TRPC1: variants seen among roughly 807,000 people sequenced by gnomAD.
TRPC1 encodes the protein short transient receptor potential channel 1.
In TRPC1, 42 loss-of-function variants were observed where a neutral mutation model predicts 88.2. That is an observed-to-expected ratio of 0.48 (90% CI 0.37 to 0.62). TRPC1 has a LOEUF of 0.62. Ranked by LOEUF, TRPC1 falls within the 20% of genes least tolerant of loss-of-function variation. TRPC1 has a pLI of 0.00. For missense variants in TRPC1, 699 were observed against 957.3 expected, an observed-to-expected ratio of 0.73 and a Z score of 3.56; for synonymous variants, 288 against 331.8, an observed-to-expected ratio of 0.87 and a Z score of 1.43.
chr3:142,746,355 T>G (rs1345774392), intron 3 of TRPC1, among the ~76,000 whole-genome samples: 2 of 152,122 alleles, frequency 1.3e-5, no homozygotes, highest in Admixed American at 6.5e-5. Context: ...TTCATACAGT[T>G]AAGTATGTTT....
At chr3:142,790,891 GT>G in intron 7 of TRPC1, 127 bp from the exon 8 acceptor site, 1 of 794,298 alleles carries the variant, frequency 1.3e-6, no homozygotes, top group Non-Finnish European at 1.6e-6. Context: ...AATGTTTTTG[GT>G]TTTGTTTTTT....
intron 1 of TRPC1, among the ~76,000 whole-genome samples, chr3:142,733,975 A>C (rs531510725): frequency 5.9e-5 from 9 of 152,322 alleles, no homozygotes; most frequent in African/African-American, 2.2e-4. Context: ...GAGACTGTAC[A>C]AAGTGAGGAG....
chr3:142,754,763 CT>C (rs1392903990), intron 4 of TRPC1, among the ~76,000 whole-genome samples: 1 of 152,078 alleles, frequency 6.6e-6, no homozygotes, highest in African/African-American at 2.4e-5. Flanking sequence ...ATATGGAATT[CT>C]TCTGGCATAG....
At chr3:142,751,967 A>T (rs61302807) in intron 4 of TRPC1, among the ~76,000 whole-genome samples, 270 of 145,780 alleles carry the variant, frequency 1.9e-3, no homozygotes, top group Middle Eastern at 0.011. Context: ...TAGTTTTAAA[A>T]TGACTAGTTT....
At chr3:142,753,135 G>A (rs955110917) in intron 4 of TRPC1, among the ~76,000 whole-genome samples, 16 of 152,062 alleles carry the variant, frequency 1.1e-4, no homozygotes, top group African/African-American at 3.4e-4. Context: ...TTGAAGCAGC[G>A]GGGTCTTACA....
At chr3:142,734,985 A>G (rs544018447) in intron 1 of TRPC1, among the ~76,000 whole-genome samples, 2 of 152,308 alleles carry the variant, frequency 1.3e-5, no homozygotes, top group South Asian at 4.1e-4. Flanking sequence ...TCACTGGTCT[A>G]TCTTTGGTCA....
At chr3:142,768,535 G>A (rs1226890841) in intron 4 of TRPC1, among the ~76,000 whole-genome samples, 3 of 151,830 alleles carry the variant, frequency 2.0e-5, no homozygotes, top group African/African-American at 7.3e-5. Context: ...TATCTACTTT[G>A]ACAGTTTTTG....
In TRPC1 at chr3:142,776,912, GA is replaced by G. The variant is rs199979276; in HGVS notation, c.633-711del. Reference sequence around the variant, plus strand: ...GTGAGACTCCATCTCAAAAAAAAAAGAAAAAAAAAGTATTTTTATTACTGAG... The same window carrying G: ...GTGAGACTCCATCTCAAAAAAAAAAGAAAAAAAAGTATTTTTATTACTGAG... On this transcript the variant is annotated intron_variant, in intron 4 of 12. Coordinates refer to ENST00000476941, the MANE Select transcript of TRPC1 (RefSeq NM_001251845.2). This position sits in a 1 kb window ranked among gnomAD's most constrained non-coding sequence, Gnocchi z 4.1. Among the ~76,000 whole-genome samples the G allele has an allele frequency of 5.4e-5, 8 of 148,818 alleles. No homozygotes were observed. Among genetic ancestry groups the G allele is most frequent in the East Asian group, 2.0e-4 (1 of 5,078 alleles).
At chr3:142,739,117 G>A (rs1371094760) in intron 2 of TRPC1, among the ~76,000 whole-genome samples, 1 of 151,990 alleles carries the variant, frequency 6.6e-6, no homozygotes, top group Non-Finnish European at 1.5e-5. Context: ...GATTATTATA[G>A]GCATGCACCA....
chr3:142,751,411 A>G (rs1165951461), intron 4 of TRPC1, among the ~76,000 whole-genome samples: 1 of 152,184 alleles, frequency 6.6e-6, no homozygotes, highest in African/African-American at 2.4e-5. Flanking sequence ...CATGCTATAC[A>G]GTTTTGTAGC....
chr3:142,730,954 CTT>C (rs1933879465), intron 1 of TRPC1, among the ~76,000 whole-genome samples: 1 of 152,176 alleles, frequency 6.6e-6, no homozygotes, highest in Non-Finnish European at 1.5e-5. Flanking sequence ...TTGATACTCT[CTT>C]TGCCATAAAA....
At chr3:142,802,658 C>T (rs1375064452) in intron 10 of TRPC1, among the ~76,000 whole-genome samples, 5 of 151,990 alleles carry the variant, frequency 3.3e-5, no homozygotes, top group Non-Finnish European at 7.4e-5. Flanking sequence ...GCAAGATGTT[C>T]AGCATCTCTG....
At chr3:142,795,141 G>T (rs572950590) in intron 9 of TRPC1, among the ~76,000 whole-genome samples, 21 of 151,944 alleles carry the variant, frequency 1.4e-4, no homozygotes, top group Admixed American at 5.3e-4. Context: ...AACTCGAATA[G>T]GTAACAATAG....
At chr3:142,804,347 C>A in intron 11 of TRPC1, 89 bp from the exon 12 acceptor site, 4 of 1,279,384 alleles carry the variant, frequency 3.1e-6, no homozygotes, top group Non-Finnish European at 4.2e-6. Flanking sequence ...AAATGTTGAA[C>A]AAAATTTTTC....
In TRPC1 at chr3:142,763,983, T is replaced by TATATATATATATATATATATATAC. The variant is rs1441314374; in HGVS notation, c.633-13648_633-13647insTATATATATATATATATATATACA. On this transcript the variant is annotated intron_variant, in intron 4 of 12. Transcript: ENST00000476941. ...AAATATATATATATATATATATATA[T>TATATATATATATATATATATATAC]ACACATACATACATACATATATATA... Among the ~76,000 whole-genome samples, 37 of 74,310 alleles carry TATATATATATATATATATATATAC rather than the reference T, an allele frequency of 5.0e-4. 1 individual carries two copies. The highest frequency in any genetic ancestry group is 1.4e-3 in the South Asian group (4 of 2,900). The allele number at this position is 74,310 out of a possible 152,430, so 48.8% of individuals were successfully genotyped here.
At chr3:142,790,818 T>G (rs1936272624) in intron 7 of TRPC1, among the ~76,000 whole-genome samples, 1 of 152,176 alleles carries the variant, frequency 6.6e-6, no homozygotes, top group African/African-American at 2.4e-5. Flanking sequence ...CTTAAGGTTA[T>G]TTTCTTCAAG....
intron 7 of TRPC1, among the ~76,000 whole-genome samples, chr3:142,787,654 T>C (rs889413012): frequency 1.8e-4 from 27 of 152,176 alleles, no homozygotes; most frequent in Non-Finnish European, 2.9e-4. Context: ...ATATGGCCCA[T>C]ACACTCGTGA....
chr3:142,794,365 A>G (rs1205287807), intron 9 of TRPC1, among the ~76,000 whole-genome samples: 1 of 152,100 alleles, frequency 6.6e-6, no homozygotes, highest in African/African-American at 2.4e-5. Context: ...TTTTTTAGGA[A>G]TGAAGAGTCA....
At chr3:142,803,857 A>C in intron 10 of TRPC1, 120 bp from the exon 11 acceptor site, 1 of 1,038,772 alleles carries the variant, frequency 9.6e-7, no homozygotes. Context: ...ATCATTTTTA[A>C]ATAAGGAACT....
Sources: allele counts gnomAD v4.1 joint callset (sites outside exome capture counted in the v4.1 genomes callset), GRCh38; gene constraint gnomAD v4.1.1; non-coding constraint Gnocchi (gnomAD v3.1); transcripts MANE v1.5; gene names NCBI Gene and HGNC (gene_info 2026-07-23, HGNC 2026-07-21).